The following RSF1 variants were observed in gnomAD, a reference collection of about 807,000 sequenced individuals.
RSF1 encodes remodeling and spacing factor 1.
RSF1 carries 13 observed loss-of-function variants against 145.2 expected under a neutral mutation model. That is an observed-to-expected ratio of 0.09 (90% confidence interval 0.06 to 0.14). The LOEUF (loss-of-function observed/expected upper bound fraction) is 0.14, where lower values mean the gene tolerates loss of function less well. RSF1 is among the 10% of genes least tolerant of loss of function. The pLI is 1.00. For synonymous variants in RSF1, 577 were observed against 592.6 expected (o/e 0.97, Z 0.38); for missense variants, 1,517 against 1,718.2 (o/e 0.88, Z 2.07).
intron 7 of RSF1, among the ~76,000 whole-genome samples, chr11:77,695,837 C>T (rs1484654830): frequency 6.6e-6 from 1 of 152,114 alleles, no homozygotes; most frequent in South Asian, 2.1e-4. Context: ...TCTTTCTGTG[C>T]CTATATTAAA....
At chr11:77,801,013 A>C (rs619818) in intron 1 of RSF1, among the ~76,000 whole-genome samples, 2 of 101,634 alleles carry the variant, frequency 2.0e-5, no homozygotes, top group East Asian at 5.9e-4. Context: ...TCTCTCTCTC[A>C]AAAAAAAAAA....
At chr11:77,675,910 TAA>T (rs1362718171) in intron 13 of RSF1, among the ~76,000 whole-genome samples, 1 of 152,224 alleles carries the variant, frequency 6.6e-6, no homozygotes, top group Admixed American at 6.5e-5. Flanking sequence ...ATTTTCAGGA[TAA>T]AGTCAAAACA....
At chr11:77,802,805 C>G (rs1486423785) in intron 1 of RSF1, among the ~76,000 whole-genome samples, 1 of 152,066 alleles carries the variant, frequency 6.6e-6, no homozygotes, top group Non-Finnish European at 1.5e-5. Flanking sequence ...TCCGCCTTGG[C>G]CTCCCAAAGT....
chr11:77,870,329 A>ATTTTTTTTT, the RSF1 span, among the ~76,000 whole-genome samples: 2 of 87,982 alleles, frequency 2.3e-5, no homozygotes, highest in East Asian at 3.2e-4. Context: ...CTATTTTTTA[A>ATTTTTTTTT]TTTTTTTTTT....
At chr11:77,747,542 C>T (rs771762889) in intron 2 of RSF1, among the ~76,000 whole-genome samples, 2 of 152,206 alleles carry the variant, frequency 1.3e-5, no homozygotes, top group African/African-American at 4.8e-5. Context: ...CTTTTAACCA[C>T]GCCTCTCTTG....
rs888208524 is a variant in RSF1, at chr11:77,662,724, T to C, written c.*4193A>G. The C allele has an allele frequency of 2.0e-5, 3 of 152,110 alleles. No homozygotes were observed. The highest frequency in any genetic ancestry group is 1.9e-4 in the East Asian group (1 of 5,188). The allele number at this position is 152,110 out of a possible 1,614,324, so 9.4% of individuals were successfully genotyped here. A position where few individuals can be genotyped will look rare whatever the true frequency, so the allele number is the denominator to read the frequency against. On this transcript the variant is annotated 3_prime_UTR_variant, in exon 16 of 16. Coordinates refer to ENST00000308488, the MANE Select transcript of RSF1 (RefSeq NM_016578.4). The stretch of plus-strand genomic sequence containing the variant: ...TTACAGGCACACACTTTGGGAAAGG[T>C]AGATGATATAGGAATGGATTTTAAT...
At chr11:77,688,953 C>T (rs1330571457) in intron 9 of RSF1, among the ~76,000 whole-genome samples, 2 of 152,162 alleles carry the variant, frequency 1.3e-5, no homozygotes, top group African/African-American at 4.8e-5. Context: ...TTCACCTTTG[C>T]ACAAGGTAAA....
rs71046904 is a variant in RSF1, at chr11:77,692,233, ATTTTTTTTTT to A, written c.2821-1005_2821-996del. Among the ~76,000 whole-genome samples, 218 of 49,476 alleles carry A rather than the reference ATTTTTTTTTT, an allele frequency of 4.4e-3. 5 individuals carry two copies. The highest frequency in any genetic ancestry group is 7.5e-3 in the South Asian group (12 of 1,606). The allele number at this position is 49,476 out of a possible 152,430, so 32.5% of individuals were successfully genotyped here. On this transcript the variant is annotated intron_variant, in intron 8 of 15. Transcript: ENST00000308488. The stretch of plus-strand genomic sequence containing the variant: ...AAAAAATAATTATTACTACTTTTAA[ATTTTTTTTTT>A]TTTTTTTTTTTTTTTTTTTGAGACG...
chr11:77,697,111 G>T (rs953211120), intron 7 of RSF1, among the ~76,000 whole-genome samples: 3 of 152,090 alleles, frequency 2.0e-5, no homozygotes, highest in Non-Finnish European at 4.4e-5. Context: ...ATACAGAGAA[G>T]ATAGCTCCTG....
intron 1 of RSF1, among the ~76,000 whole-genome samples, chr11:77,797,669 A>G (rs1349480708): frequency 1.3e-5 from 2 of 152,216 alleles, no homozygotes; most frequent in African/African-American, 4.8e-5. Context: ...AACGGAATCT[A>G]ATTAAACTAA....
chr11:77,698,795 C>G, intron 6 of RSF1, 102 bp from the exon 7 acceptor site: 1 of 938,864 alleles, frequency 1.1e-6, no homozygotes, highest in Non-Finnish European at 1.6e-6. Context: ...GCCAATATAC[C>G]AAAAAAAGAG....
chr11:77,690,047 A>G (rs1219105210), intron 9 of RSF1, among the ~76,000 whole-genome samples: 1 of 151,820 alleles, frequency 6.6e-6, no homozygotes, highest in Admixed American at 6.6e-5. Context: ...CTGTAGTCCC[A>G]GCTACTCAGG....
chr11:77,734,457 G>A (rs983685876), intron 4 of RSF1: 21 of 1,568,040 alleles, frequency 1.3e-5, no homozygotes, highest in East Asian at 8.9e-5. Context: ...CCACGGCTAC[G>A]GGGAAATTAG....
At chr11:77,761,828 A>ACTTTTTTTTTTT (rs370490355) in intron 2 of RSF1, among the ~76,000 whole-genome samples, 1 of 119,574 alleles carries the variant, frequency 8.4e-6, no homozygotes, top group African/African-American at 3.3e-5. Context: ...CCATTCGGTG[A>ACTTTTTTTTTTT]TTTTTTTTTT....
the RSF1 span, chr11:77,842,570 A>G: frequency 6.2e-7 from 1 of 1,614,114 alleles, no homozygotes; most frequent in South Asian, 1.1e-5. Flanking sequence ...ACCTATAAGG[A>G]CTGCAAAGTA....
chr11:77,765,419 C>G (rs895131758), intron 1 of RSF1, among the ~76,000 whole-genome samples: 2 of 152,088 alleles, frequency 1.3e-5, no homozygotes, highest in Non-Finnish European at 2.9e-5. Context: ...GCTTCATGGA[C>G]AAAAAAATTA....
At chr11:77,680,743 A>G (rs1959837755) in intron 11 of RSF1, among the ~76,000 whole-genome samples, 1 of 152,086 alleles carries the variant, frequency 6.6e-6, no homozygotes, top group African/African-American at 2.4e-5. Flanking sequence ...TTTATTTCCA[A>G]TTTTTCACAA....
intron 4 of RSF1, among the ~76,000 whole-genome samples, chr11:77,735,864 C>T (rs1158392664): frequency 1.3e-5 from 2 of 152,102 alleles, no homozygotes; most frequent in African/African-American, 2.4e-5. Context: ...CTCAGCCTTC[C>T]GAGTAGCTGG....
At chr11:77,725,762 A>G (rs1961039985) in intron 4 of RSF1, 63 bp from the exon 5 acceptor site, 1 of 1,260,810 alleles carries the variant, frequency 7.9e-7, no homozygotes, top group Non-Finnish European at 1.1e-6. Context: ...AACTTTCTGA[A>G]TAATACCAAT....
Sources: gnomAD v4.1 joint callset for allele counts (sites outside exome capture counted in the v4.1 genomes callset) on GRCh38, gnomAD v4.1.1 for gene constraint, MANE v1.5 for transcripts, NCBI Gene and HGNC (gene_info 2026-07-23, HGNC 2026-07-21) for gene names.